The following AGBL1 variants were observed in gnomAD, a reference collection of about 807,000 sequenced individuals.
The protein encoded by AGBL1 is AGBL carboxypeptidase 1.
A neutral mutation model predicts 118.9 loss-of-function variants in AGBL1; 130 were observed. The ratio of observed to expected loss-of-function variants is 1.09; its 90% CI spans 0.95 to 1.26. The LOEUF is 1.26. Ranked by LOEUF, AGBL1 falls within the 50% of genes most tolerant of loss-of-function variation. AGBL1 has a pLI of 0.00. For synonymous variants in AGBL1, 555 were observed against 478.9 expected (o/e 1.16, Z -2.08); for missense variants, 1,584 against 1,298.1 (o/e 1.22, Z -3.38).
At chr15:86,174,089 G>T (rs2077450771) in intron 5 of AGBL1, among the ~76,000 whole-genome samples, 2 of 151,852 alleles carry the variant, frequency 1.3e-5, no homozygotes, top group South Asian at 2.1e-4. Context: ...CATGAGCATG[G>T]GTGTCTTTCC....
chr15:86,804,147 G>A (rs2078687899), intron 22 of AGBL1, among the ~76,000 whole-genome samples: 3 of 152,134 alleles, frequency 2.0e-5, no homozygotes, highest in Admixed American at 6.6e-5. Flanking sequence ...TTAACATTAA[G>A]AGTAAATATG....
intron 22 of AGBL1, among the ~76,000 whole-genome samples, chr15:86,767,098 G>T (rs2078107017): frequency 6.6e-6 from 1 of 151,944 alleles, no homozygotes; most frequent in African/African-American, 2.4e-5. Flanking sequence ...CTTAGCTATT[G>T]CTTAAATAAG....
intron 18 of AGBL1, among the ~76,000 whole-genome samples, chr15:86,422,100 A>G (rs1226969060): frequency 6.6e-6 from 1 of 152,206 alleles, no homozygotes; most frequent in East Asian, 1.9e-4. Context: ...AGTGGACCTA[A>G]TAGACATCTA....
chr15:86,704,501 A>G (rs1350494641), intron 22 of AGBL1, among the ~76,000 whole-genome samples: 1 of 152,224 alleles, frequency 6.6e-6, no homozygotes, highest in East Asian at 1.9e-4. Context: ...ACTTCTCAAG[A>G]CATTTATGTG....
At chr15:86,833,442 C>T (rs116669821) in intron 22 of AGBL1, among the ~76,000 whole-genome samples, 5,276 of 152,052 alleles carry the variant, frequency 0.035, 305 homozygotes, top group African/African-American at 0.12. Flanking sequence ...GAAGATCTGA[C>T]GGGTTTATCA....
rs1199411858 is a variant in AGBL1 at position 86,799,697 on chromosome 15, C to CA, written c.3159-107382dup. On this transcript the variant is annotated intron_variant, in intron 22 of 22. Coordinates refer to ENST00000614907, the MANE Select transcript of AGBL1 (RefSeq NM_001386094.1). The stretch of plus-strand genomic sequence containing the variant: ...CTTCTATTTTTTTGTTGACTTTGGA[C>CA]AAAAAAAAGAAAACCCCCTTACATC... Among the ~76,000 whole-genome samples the CA allele has an allele frequency of 1.1e-4, 16 of 151,212 alleles. No homozygotes were observed. The South Asian group carries it at 1.3e-3, about 12-fold the overall frequency.
chr15:87,017,038 T>G (rs557718734), intron 24 of AGBL1, among the ~76,000 whole-genome samples: 60 of 152,192 alleles, frequency 3.9e-4, no homozygotes, highest in African/African-American at 1.3e-3. Context: ...CTGAGCAGCA[T>G]CATTCTGCAG....
At chr15:86,126,548 T>C (rs1037136150) in intron 1 of AGBL1, among the ~76,000 whole-genome samples, 5 of 152,228 alleles carry the variant, frequency 3.3e-5, no homozygotes, top group African/African-American at 9.6e-5. Context: ...AAGATCCTGT[T>C]GATGAGAAAT....
At chr15:86,962,702 G>A (rs550984038) in intron 23 of AGBL1, among the ~76,000 whole-genome samples, 2 of 152,072 alleles carry the variant, frequency 1.3e-5, no homozygotes, top group South Asian at 4.1e-4. Context: ...AACATATTTC[G>A]AGGCAGGTCT....
chr15:86,648,707 A>G (rs1418874487), intron 21 of AGBL1, among the ~76,000 whole-genome samples: 1 of 152,214 alleles, frequency 6.6e-6, no homozygotes, highest in Non-Finnish European at 1.5e-5. Context: ...AACAGAAGAC[A>G]ATAAGAAACG....
intron 18 of AGBL1, among the ~76,000 whole-genome samples, chr15:86,469,549 G>C (rs971389662): frequency 6.6e-6 from 1 of 152,082 alleles, no homozygotes; most frequent in Non-Finnish European, 1.5e-5. Context: ...ATATGGGAGG[G>C]CAGAGATCTC....
intron 22 of AGBL1, among the ~76,000 whole-genome samples, chr15:86,707,301 T>C (rs1237551612): frequency 6.6e-6 from 1 of 152,170 alleles, no homozygotes; most frequent in Non-Finnish European, 1.5e-5. Context: ...AGGTATATAG[T>C]CAGTTATTTT....
intron 18 of AGBL1, among the ~76,000 whole-genome samples, chr15:86,463,595 C>T (rs186883870): frequency 6.6e-6 from 1 of 152,104 alleles, no homozygotes; most frequent in Non-Finnish European, 1.5e-5. Flanking sequence ...AATCTTTAAT[C>T]CATCTTGAGT....
At chr15:86,560,061 C>A (rs903361541) in intron 21 of AGBL1, among the ~76,000 whole-genome samples, 1 of 152,066 alleles carries the variant, frequency 6.6e-6, no homozygotes, top group Admixed American at 6.5e-5. Context: ...ATCCAAGGGA[C>A]TTATGGATCA....
chr15:86,887,726 C>T (rs187503298), intron 22 of AGBL1, among the ~76,000 whole-genome samples: 1 of 152,034 alleles, frequency 6.6e-6, no homozygotes, highest in Non-Finnish European at 1.5e-5. Flanking sequence ...CTTTTAGCCG[C>T]AGATCATACA....
intron 23 of AGBL1, among the ~76,000 whole-genome samples, chr15:86,967,509 G>A (rs2081066751): frequency 6.6e-6 from 1 of 152,156 alleles, no homozygotes; most frequent in Admixed American, 6.6e-5. Flanking sequence ...TGTATAAGGT[G>A]TAAGGAAGGG....
chr15:86,809,419 A>G (rs2078759925), intron 22 of AGBL1, among the ~76,000 whole-genome samples: 1 of 152,160 alleles, frequency 6.6e-6, no homozygotes, highest in African/African-American at 2.4e-5. Context: ...ACATATATAT[A>G]TGCTGAGCTA....
chr15:86,123,585 G>A (rs1195579337), intron 1 of AGBL1, among the ~76,000 whole-genome samples: 3 of 152,042 alleles, frequency 2.0e-5, no homozygotes, highest in Admixed American at 1.3e-4. Flanking sequence ...TATTGATCCC[G>A]GGCTTTTAGA....
intron 17 of AGBL1, chr15:86,312,414 T>C (rs1302310754): frequency 6.6e-6 from 1 of 152,236 alleles, no homozygotes; most frequent in African/African-American, 2.4e-5. Context: ...ACACAGGTTA[T>C]GAGCTGAGTC....
Sources: gnomAD v4.1 joint callset for allele counts (sites outside exome capture counted in the v4.1 genomes callset) on GRCh38, gnomAD v4.1.1 for gene constraint, MANE v1.5 for transcripts, NCBI Gene and HGNC (gene_info 2026-07-23, HGNC 2026-07-21) for gene names.